MAD1L1: variants seen among roughly 807,000 people sequenced by gnomAD.
MAD1L1 encodes mitotic spindle assembly checkpoint protein MAD1.
MAD1L1 carries 95 observed loss-of-function variants against 96.9 expected under a neutral mutation model. The observed-to-expected ratio is 0.98, with a 90% CI of 0.83 to 1.16. The LOEUF is 1.16. Among genes scored for constraint, MAD1L1 ranks in the 50% most tolerant of loss-of-function variants. The pLI, the probability that MAD1L1 is intolerant of heterozygous loss-of-function variation, is 0.00. For synonymous variants in MAD1L1, 473 were observed against 396.6 expected (o/e 1.19, Z -2.29); for missense variants, 1,007 against 954.4 (o/e 1.06, Z -0.73).
chr7:2,091,708 G>A (rs1433027605), intron 11 of MAD1L1, among the ~76,000 whole-genome samples: 1 of 151,852 alleles, frequency 6.6e-6, no homozygotes, highest in Non-Finnish European at 1.5e-5. Context: ...CCCAGGAGGC[G>A]GAGCTTGCAG....
intron 18 of MAD1L1, among the ~76,000 whole-genome samples, chr7:1,867,343 A>ACCCC (rs538910046): frequency 3.8e-4 from 58 of 151,590 alleles, no homozygotes; most frequent in African/African-American, 1.4e-3. Flanking sequence ...CCTCCGCAGG[A>ACCCC]CCCCCCCGGA....
chr7:2,145,316 G>A (rs559335857), intron 11 of MAD1L1, among the ~76,000 whole-genome samples: 5 of 152,316 alleles, frequency 3.3e-5, no homozygotes, highest in South Asian at 2.1e-4. Context: ...CAGGCTCCTC[G>A]CAACCCTGGA....
At chr7:1,956,830 C>T (rs905472115) in intron 16 of MAD1L1, among the ~76,000 whole-genome samples, 5 of 152,258 alleles carry the variant, frequency 3.3e-5, no homozygotes, top group African/African-American at 1.2e-4. Context: ...CAAGCCTCAA[C>T]AAGCTCCAAG....
At chr7:1,887,333 C>T (rs1317249772) in intron 18 of MAD1L1, among the ~76,000 whole-genome samples, 1 of 147,184 alleles carries the variant, frequency 6.8e-6, no homozygotes, top group Non-Finnish European at 1.5e-5. Flanking sequence ...GCATGCGTGG[C>T]TGCCTGTGTA....
intron 11 of MAD1L1, among the ~76,000 whole-genome samples, chr7:2,115,974 C>T (rs1006529382): frequency 2.7e-5 from 4 of 146,072 alleles, no homozygotes; most frequent in Non-Finnish European, 4.6e-5. Context: ...CTGCCGGAGA[C>T]GGTGGAGGGG....
At chr7:1,928,948 T>C (rs532615397) in intron 17 of MAD1L1, among the ~76,000 whole-genome samples, 10 of 152,088 alleles carry the variant, frequency 6.6e-5, no homozygotes, top group Middle Eastern at 3.2e-3. Flanking sequence ...GCAGGAAAAG[T>C]GTGAGTCCTG....
In MAD1L1 at chr7:2,088,278, C is replaced by T. The variant is rs1431707079; in HGVS notation, c.1074-18940G>A. Reference sequence around the variant, plus strand: ...GCCGACGGGCCTGTTGCCGCTGGAACACAATCCAGGCCCCCATCACAGGCT... The same window carrying T: ...GCCGACGGGCCTGTTGCCGCTGGAATACAATCCAGGCCCCCATCACAGGCT... On this transcript the variant is annotated intron_variant, in intron 11 of 18. Coordinates refer to ENST00000265854, the MANE Select transcript of MAD1L1 (RefSeq NM_001013836.2). This position sits in a 1 kb window ranked among gnomAD's most constrained non-coding sequence, Gnocchi z 4.4. Among the ~76,000 whole-genome samples the T allele has an allele frequency of 6.6e-6, 1 of 152,224 alleles. No homozygotes were observed. Among genetic ancestry groups the T allele is most frequent in the Non-Finnish European group, 1.5e-5 (1 of 68,040 alleles).
chr7:1,943,076 C>T (rs567827892), intron 16 of MAD1L1, among the ~76,000 whole-genome samples: 14 of 152,272 alleles, frequency 9.2e-5, no homozygotes, highest in Non-Finnish European at 1.2e-4. Flanking sequence ...TGGCGCATGC[C>T]AAAGAATGAA....
chr7:1,970,897 G>A (rs995486498), intron 15 of MAD1L1, among the ~76,000 whole-genome samples: 4 of 152,128 alleles, frequency 2.6e-5, no homozygotes, highest in Non-Finnish European at 4.4e-5. Context: ...CCCCGGATAA[G>A]GGTACCACCG....
chr7:1,926,019 A>AAAAAAAGAAAAAAG (rs937126005), intron 17 of MAD1L1, among the ~76,000 whole-genome samples: 1 of 152,130 alleles, frequency 6.6e-6, no homozygotes, highest in African/African-American at 2.4e-5. Context: ...GCTAACAGAC[A>AAAAAAAGAAAAAAG]AAAAAAGAAA....
Position 1,983,132 on chromosome 7 carries a change from ACGCG to A in MAD1L1, c.1417-2595_1417-2592del, listed in dbSNP as rs141111007. Among the ~76,000 whole-genome samples, 1,289 of 144,852 alleles carry A rather than the reference ACGCG, an allele frequency of 8.9e-3. 22 individuals are homozygous for A. The highest frequency in any genetic ancestry group is 0.035 in the Admixed American group (526 of 14,866). On this transcript the variant is annotated intron_variant, in intron 14 of 18. Transcript: ENST00000265854. Reference sequence around the variant, plus strand: ...TGCACACACGCACACACACCCACAGACGCGCGCGCGCGCGCGCGCGCGCACACAC... The same window carrying A: ...TGCACACACGCACACACACCCACAGACGCGCGCGCGCGCGCGCGCACACAC...
intron 10 of MAD1L1, among the ~76,000 whole-genome samples, chr7:2,150,509 C>G (rs1417919722): frequency 6.6e-6 from 1 of 152,202 alleles, no homozygotes; most frequent in African/African-American, 2.4e-5. Context: ...TCTTCCAGCA[C>G]CCAGCTCCTC....
intron 9 of MAD1L1, among the ~76,000 whole-genome samples, chr7:2,214,926 A>C (rs1584569116): frequency 6.6e-6 from 1 of 152,284 alleles, no homozygotes; most frequent in East Asian, 1.9e-4. Context: ...ACCACAAACT[A>C]AGTGGCTTCA....
chr7:2,198,237 T>C (rs1165992370), intron 10 of MAD1L1, among the ~76,000 whole-genome samples: 1 of 152,088 alleles, frequency 6.6e-6, no homozygotes, highest in Admixed American at 6.5e-5. Flanking sequence ...ATTACAGGTG[T>C]GAGCCAAGGC....
At chr7:1,919,333 G>A (rs1375268357) in intron 17 of MAD1L1, among the ~76,000 whole-genome samples, 1 of 152,260 alleles carries the variant, frequency 6.6e-6, no homozygotes, top group Non-Finnish European at 1.5e-5. Flanking sequence ...TGGACACACG[G>A]TGTGTTGGAG....
At chr7:1,975,270 G>T (rs769269286) in intron 15 of MAD1L1, among the ~76,000 whole-genome samples, 1 of 152,176 alleles carries the variant, frequency 6.6e-6, no homozygotes, top group Non-Finnish European at 1.5e-5. Context: ...AGGCCCCCTC[G>T]GGGCCACGCC....
intron 10 of MAD1L1, among the ~76,000 whole-genome samples, chr7:2,167,074 C>T (rs1346706690): frequency 6.6e-6 from 1 of 152,212 alleles, no homozygotes; most frequent in African/African-American, 2.4e-5. Context: ...AGCAACCCCG[C>T]TGTGGACAGT....
intron 12 of MAD1L1, among the ~76,000 whole-genome samples, chr7:2,067,437 C>A (rs1784927742): frequency 6.6e-6 from 1 of 152,028 alleles, no homozygotes; most frequent in Admixed American, 6.5e-5. Flanking sequence ...CTCTGAGCTT[C>A]CAGCATCACG....
chr7:1,871,422 C>T (rs1379141862), intron 18 of MAD1L1, among the ~76,000 whole-genome samples: 1 of 149,342 alleles, frequency 6.7e-6, no homozygotes, highest in African/African-American at 2.5e-5. Flanking sequence ...CATACGCCTG[C>T]CAAGCTGAAC....
Sources: gnomAD v4.1 joint callset for allele counts (sites outside exome capture counted in the v4.1 genomes callset) on GRCh38, gnomAD v4.1.1 for gene constraint, Gnocchi (gnomAD v3.1) non-coding constraint, MANE v1.5 for transcripts, NCBI Gene and HGNC (gene_info 2026-07-23, HGNC 2026-07-21) for gene names.